Variants in DBP observed in about 807,000 individuals in gnomAD.
The protein encoded by DBP is D site-binding protein.
DBP carries 12 observed loss-of-function variants against 21.4 expected under a neutral mutation model. That is an observed-to-expected ratio of 0.56 (90% confidence interval 0.36 to 0.91). The LOEUF (loss-of-function observed/expected upper bound fraction) is 0.91, where lower values mean the gene tolerates loss of function less well. Ranked by LOEUF, DBP falls within the 40% of genes least tolerant of loss-of-function variation. DBP has a pLI of 0.01. For missense variants in DBP, 423 were observed against 473.4 expected, an observed-to-expected ratio of 0.89 and a Z score of 0.99; for synonymous variants, 213 against 224.9, an observed-to-expected ratio of 0.95 and a Z score of 0.47.
At chr19:48,631,816 A>C (rs1481327505) in intron 3 of DBP, 1 of 152,120 alleles carries the variant, frequency 6.6e-6, no homozygotes, top group Admixed American at 6.6e-5. Flanking sequence ...CTACTCCACT[A>C]TTTAATTAAA....
chr19:48,636,936 C>A lies in DBP; in HGVS notation c.59G>T (p.Gly20Val). 2 of 1,574,966 alleles carry A rather than the reference C, an allele frequency of 1.3e-6. No individual in the cohort carries two copies. The highest frequency in any genetic ancestry group is 1.2e-5 in the South Asian group (1 of 86,606). ...PAPLLLGGPA[G>V]TPPGGGALLG... ...CAGCGCTCCCCCGCCAGGGGGTGTC[C>A]CGGCCGGGCCGCCCAGCAGCAGAGG... Residue 20 changes from glycine (G) to valine (V), a missense_variant, in exon 1 of 4, where the codon GGG (glycine) becomes GTG (valine). Around this residue, in one of 4 missense-constraint regions of DBP, gnomAD observed 283 missense variants for 273.7 expected, o/e 1.03. Coordinates refer to ENST00000222122, the MANE Select transcript of DBP (RefSeq NM_001352.5).
Position 48,630,478 on chromosome 19 carries a change from C to A in DBP, c.*359G>T. ...TCCAGCACTTCCAGCAGCGCCTGCCCTCTATGGACGACAGCCCGGAGCTGC... is the reference window on the plus strand; with the variant it reads ...TCCAGCACTTCCAGCAGCGCCTGCCATCTATGGACGACAGCCCGGAGCTGC... On this transcript the variant is annotated 3_prime_UTR_variant, in exon 4 of 4. Transcript: ENST00000222122. This position sits in a 1 kb window ranked among gnomAD's most constrained non-coding sequence, Gnocchi z 4.9. 6.7e-7 allele frequency: 1 copy of A among 1,501,318 alleles called. No individual in the cohort carries two copies. Among genetic ancestry groups the A allele is most frequent in the Non-Finnish European group, 8.8e-7 (1 of 1,131,638 alleles). 93.0% of individuals were successfully genotyped at this position (1,501,318 alleles called of 1,614,324 possible).
At chr19:48,632,268 C>G (rs1043519593) in intron 3 of DBP, 2 of 152,098 alleles carry the variant, frequency 1.3e-5, no homozygotes, top group African/African-American at 4.8e-5. Flanking sequence ...TCCCAAGTAG[C>G]TGGGACTACA....
At chr19:48,635,557 C>G in intron 2 of DBP, 23 bp downstream of exon 2, 2 of 1,406,546 alleles carry the variant, frequency 1.4e-6, no homozygotes, top group South Asian at 2.9e-5. Flanking sequence ...CCGTCAGGAC[C>G]CGCCCCGCCC....
chr19:48,633,199 A>G (rs1009422667), intron 3 of DBP: 1 of 607,530 alleles, frequency 1.6e-6, no homozygotes, highest in African/African-American at 1.8e-5. Flanking sequence ...CTCCTGCCTC[A>G]GCCCCCTAAA....
rs148619994 is a variant in DBP at position 48,633,055 on chromosome 19, G to C, written c.762+389C>G. The C allele has an allele frequency of 9.6e-6, 4 of 416,942 alleles. No homozygotes were observed. In the East Asian group the frequency reaches 1.5e-4, roughly 16 times the overall value. 25.8% of individuals were successfully genotyped at this position (416,942 alleles called of 1,614,324 possible). On this transcript the variant is annotated intron_variant, in intron 3 of 3. Transcript: ENST00000222122. ...GTTGCCCAGGCTGGAGTGCAGTGGT[G>C]TAATCTTGGCTCACTGCAGCCTCAA... is the stretch of plus-strand genomic sequence containing the variant.
At position 48,633,576 on chromosome 19, in the gene DBP, A is replaced by G. The variant is rs200190776; in HGVS notation, c.630T>C (p.Ala210=). The change falls in exon 3 of 4, where the codon GCT becomes GCC. Residue 210 remains alanine, a synonymous_variant. Transcript: ENST00000222122. ...EVLMTFEPDP[A]DLALSSIPGH... ...CAGGAATGCTTGATAGGGCAAGATC[A>G]GCTGGGTCGGGTTCAAAGGTCATCA... 1 of 1,614,206 alleles carries G rather than the reference A, an allele frequency of 6.2e-7. No homozygotes were observed. Among genetic ancestry groups the G allele is most frequent in the East Asian group, 2.2e-5 (1 of 44,890 alleles).
In DBP at chr19:48,630,845, C is replaced by A; in HGVS notation, c.970G>T (p.Ala324Ser). The A allele has an allele frequency of 6.3e-7, 1 of 1,592,928 alleles. No homozygotes were observed. The highest frequency in any genetic ancestry group is 8.6e-7 in the Non-Finnish European group (1 of 1,169,178). The change falls in exon 4 of 4, where the codon GCC (alanine) becomes TCC (serine). Residue 324 changes from alanine to serine, a missense_variant. Transcript: ENST00000222122. The surrounding 1 kb of genome is among the most constrained non-coding windows in gnomAD (Gnocchi z 4.9). ...GGGGATGTGGGGCAGCCTCACAGGG[C>A]CCCGTGCTGGGCCTGGTATCGGGAC... is the stretch of plus-strand genomic sequence containing the variant. The part of the protein sequence containing the change: ...VLSRYQAQHG[A>S]L
In DBP at chr19:48,635,899, C is replaced by G. The variant is rs758773876; in HGVS notation, c.231G>C (p.Pro77=). 3.5e-6 allele frequency: 5 copies of G among 1,421,624 alleles called. No individual in the cohort carries two copies. The highest frequency in any genetic ancestry group is 9.1e-7 in the Non-Finnish European group (1 of 1,098,294). 88.1% of individuals were successfully genotyped at this position (1,421,624 alleles called of 1,614,324 possible). ...ACCCTCCGCCCACCACTGCCCCAGC[C>G]GGGGCATCCGCCGGGCCCGCAGTCT... ...GLETAGPADA[P]AGAVVGGGSP... is the part of the protein sequence containing the mutation. The change falls in exon 2 of 4, where the codon CCG becomes CCC. Residue 77 remains proline (P), a synonymous_variant. Coordinates refer to ENST00000222122, the MANE Select transcript of DBP (RefSeq NM_001352.5).
Position 48,630,972 on chromosome 19 carries a change from G to A in DBP, c.843C>T (p.Asn281=). 6.2e-7 allele frequency: 1 copy of A among 1,613,710 alleles called. No individual in the cohort carries two copies. The highest frequency in any genetic ancestry group is 8.5e-7 in the Non-Finnish European group (1 of 1,179,960). ...RSRDARRLKE[N]QISVRAAFLE... is the part of the protein sequence containing the mutation. ...GGAAGGCCGCCCGCACCGATATCTG[G>A]TTCTCCTTGAGCCGCCGGGCGTCAC... is the stretch of plus-strand genomic sequence containing the variant. The change falls in exon 4 of 4, where the codon AAC becomes AAT. Residue 281 remains asparagine, a synonymous_variant. Transcript: ENST00000222122. The surrounding 1 kb of genome is among the most constrained non-coding windows in gnomAD (Gnocchi z 4.9).
At chr19:48,632,993 T>A (rs1216361695) in intron 3 of DBP, 2 of 266,792 alleles carry the variant, frequency 7.5e-6, no homozygotes, top group East Asian at 1.9e-4. Flanking sequence ...CACCCCACAG[T>A]GACACTGTCT....
In DBP at chr19:48,637,043, C is replaced by G. The variant is rs763637827; in HGVS notation, c.-49G>C. 1.7e-5 allele frequency: 24 copies of G among 1,436,842 alleles called. No individual in the cohort carries two copies. The highest frequency in any genetic ancestry group is 2.7e-6 in the Non-Finnish European group (3 of 1,097,706). The allele number at this position is 1,436,842 out of a possible 1,614,324, so 89.0% of individuals were successfully genotyped here. On this transcript the variant is annotated 5_prime_UTR_variant, in exon 1 of 4. Transcript: ENST00000222122. ...CACGGGTTCATGGAGAGGCGAAGGG[C>G]TGGCCTGCCAGTCACCAGCACACTC...
In DBP at chr19:48,633,458, G is replaced by T; in HGVS notation, c.748C>A (p.Pro250Thr). The change falls in exon 3 of 4, where the codon CCG becomes ACG. Residue 250 changes from proline to threonine, a missense_variant. Pro to Thr is a conservative substitution (Grantham distance 38, BLOSUM62 -1). This residue lies in a region of DBP where 77 missense variants were observed against 97.1 expected (regional missense o/e 0.79). Coordinates refer to ENST00000222122, the MANE Select transcript of DBP (RefSeq NM_001352.5). ...IMKKARKIQV[P>T]EEQKDEKYWS... ...GCTCTGCTCACCTTCTGCTCCTCCG[G>T]CACCTGGATTTTTCTTGCCTTCTTC... 6.2e-7 allele frequency: 1 copy of T among 1,614,148 alleles called. No homozygotes were observed. Among genetic ancestry groups the T allele is most frequent in the South Asian group, 1.1e-5 (1 of 91,092 alleles).
chr19:48,636,048 G>C, intron 1 of DBP, 58 bp from the exon 2 acceptor site: 1 of 1,434,710 alleles, frequency 7.0e-7, no homozygotes, highest in East Asian at 2.8e-5. Flanking sequence ...TAGAGATGGA[G>C]AAGAGACCCC....
In DBP at chr19:48,630,385, G is replaced by A. The variant is rs902554321; in HGVS notation, c.*452C>T. ...AATTGAAAAGGTCTATGCAATAAAGGCAGTCGCTTCATTCCTCTCAGACCT... is the reference window on the plus strand; with the variant it reads ...AATTGAAAAGGTCTATGCAATAAAGACAGTCGCTTCATTCCTCTCAGACCT... On this transcript the variant is annotated 3_prime_UTR_variant, in exon 4 of 4. Coordinates refer to ENST00000222122, the MANE Select transcript of DBP (RefSeq NM_001352.5). The surrounding 1 kb of genome is among the most constrained non-coding windows in gnomAD (Gnocchi z 4.9). 7.3e-6 allele frequency: 10 copies of A among 1,375,286 alleles called. No homozygotes were observed. The African/African-American group carries it at 1.3e-4, about 18-fold the overall frequency. 85.2% of individuals were successfully genotyped at this position (1,375,286 alleles called of 1,614,324 possible). A position where few individuals can be genotyped will look rare whatever the true frequency, so the allele number is the denominator to read the frequency against.
At position 48,630,360 on chromosome 19, in the gene DBP, A is replaced by G. The variant is rs1323016472; in HGVS notation, c.*477T>C. 1 of 1,312,470 alleles carries G rather than the reference A, an allele frequency of 7.6e-7. No homozygotes were observed. The allele number at this position is 1,312,470 out of a possible 1,614,324, so 81.3% of individuals were successfully genotyped here. A position where few individuals can be genotyped will look rare whatever the true frequency, so the allele number is the denominator to read the frequency against. On this transcript the variant is annotated 3_prime_UTR_variant, in exon 4 of 4. Coordinates refer to ENST00000222122, the MANE Select transcript of DBP (RefSeq NM_001352.5). This position sits in a 1 kb window ranked among gnomAD's most constrained non-coding sequence, Gnocchi z 4.9. ...GTCCTCCGTCCCCAATCTAAAAAGC[A>G]ATTGAAAAGGTCTATGCAATAAAGG... is the stretch of plus-strand genomic sequence containing the variant.
Position 48,633,572 on chromosome 19 carries a change from G to A in DBP, c.634C>T (p.Leu212Phe). The change falls in exon 3 of 4, where the codon CTT becomes TTT. Residue 212 changes from leucine to phenylalanine, a missense_variant. Around this residue, in one of 4 missense-constraint regions of DBP, gnomAD observed 77 missense variants for 97.1 expected, o/e 0.79. Transcript: ENST00000222122. ...LMTFEPDPAD[L>F]ALSSIPGHET... ...TGGCCAGGAATGCTTGATAGGGCAA[G>A]ATCAGCTGGGTCGGGTTCAAAGGTC... 2 of 1,614,196 alleles carry A rather than the reference G, an allele frequency of 1.2e-6. No homozygotes were observed. The highest frequency in any genetic ancestry group is 1.7e-6 in the Non-Finnish European group (2 of 1,180,036).
In DBP at chr19:48,635,821, C is replaced by A. The variant is rs1445162142; in HGVS notation, c.309G>T (p.Leu103=). The change falls in exon 2 of 4, where the codon CTG becomes CTT. Residue 103 remains leucine (L), a synonymous_variant. Coordinates refer to ENST00000222122, the MANE Select transcript of DBP (RefSeq NM_001352.5). ...CGAACGGCAGCGTGCGCTCCCACAG[C>A]AGTGGCGCCAACAGACCCGGGGCGG... ...PVPAPGLLAP[L]LWERTLPFGD... is the part of the protein sequence containing the mutation. The A allele has an allele frequency of 6.3e-6, 9 of 1,430,678 alleles. No individual in the cohort carries two copies. Among genetic ancestry groups the A allele is most frequent in the Non-Finnish European group, 7.3e-6 (8 of 1,101,252 alleles). 88.6% of individuals were successfully genotyped at this position (1,430,678 alleles called of 1,614,324 possible). A position where few individuals can be genotyped will look rare whatever the true frequency, so the allele number is the denominator to read the frequency against.
rs902921993 is a variant in DBP at position 48,630,481 on chromosome 19, T to C, written c.*356A>G. On this transcript the variant is annotated 3_prime_UTR_variant, in exon 4 of 4. Transcript: ENST00000222122. The surrounding 1 kb of genome is among the most constrained non-coding windows in gnomAD (Gnocchi z 4.9). Reference sequence around the variant, plus strand: ...AGCACTTCCAGCAGCGCCTGCCCTCTATGGACGACAGCCCGGAGCTGCCCA... The same window carrying C: ...AGCACTTCCAGCAGCGCCTGCCCTCCATGGACGACAGCCCGGAGCTGCCCA... 6 of 1,503,992 alleles carry C rather than the reference T, an allele frequency of 4.0e-6. No individual in the cohort carries two copies. The South Asian group carries it at 6.3e-5, about 16-fold the overall frequency. 93.2% of individuals were successfully genotyped at this position (1,503,992 alleles called of 1,614,324 possible).
Sources: gnomAD v4.1 joint callset for allele counts on GRCh38, gnomAD v4.1.1 for gene constraint, gnomAD v4.1.1 regional missense constraint, Gnocchi (gnomAD v3.1) non-coding constraint, MANE v1.5 for transcripts, NCBI Gene and HGNC (gene_info 2026-07-23, HGNC 2026-07-21) for gene names.